Variants in MVB12A observed in about 807,000 individuals in gnomAD.
The protein encoded by MVB12A is multivesicular body subunit 12A.
In MVB12A, 30 loss-of-function variants were observed where a neutral mutation model predicts 34.3. The observed-to-expected ratio is 0.88, with a 90% CI of 0.65 to 1.19. The LOEUF is 1.19. Ranked by LOEUF, MVB12A falls within the 50% of genes most tolerant of loss-of-function variation. The pLI is 0.00. For missense variants in MVB12A, 355 were observed against 369.2 expected (o/e 0.96, Z 0.31); for synonymous variants, 158 against 158.9 (o/e 0.99, Z 0.04).
In MVB12A at chr19:17,420,568, C is replaced by T. The variant is rs1229337195; in HGVS notation, c.220C>T (p.Gln74Ter). Residue 74 changes from glutamine (Q) to a stop codon, truncating the protein, a stop_gained, in exon 3 of 9, where the codon CAG becomes TAG. Coordinates refer to ENST00000317040, the MANE Select transcript of MVB12A (RefSeq NM_138401.4). LOFTEE classifies it high-confidence loss of function. ...GCAGGAGAACGTGGTGGCCGATATC[C>T]AGATCGTGGTGGACAAGAGCCCCCT... ...NPQENVVADI[Q>*]IVVDKSPLPL... 1 of 1,614,020 alleles carries T rather than the reference C, an allele frequency of 6.2e-7. No individual in the cohort carries two copies. Among genetic ancestry groups the T allele is most frequent in the South Asian group, 1.1e-5 (1 of 91,074 alleles).
intron 4 of MVB12A, 37 bp from the exon 5 acceptor site, chr19:17,423,461 C>T (rs186278677): frequency 1.5e-5 from 24 of 1,602,708 alleles, no homozygotes; most frequent in Admixed American, 8.4e-5. Context: ...GGCCCCACAC[C>T]GGGCCAGCAT....
At chr19:17,411,299 G>GA (rs977403926) in intron 2 of MVB12A, among the ~76,000 whole-genome samples, 8 of 151,632 alleles carry the variant, frequency 5.3e-5, no homozygotes, top group East Asian at 1.9e-4. Flanking sequence ...TAGATTTGCA[G>GA]AAAAAAAACA....
chr19:17,420,495 C>T (rs769104088), intron 2 of MVB12A, 43 bp from the exon 3 acceptor site: 2 of 1,584,950 alleles, frequency 1.3e-6, no homozygotes, highest in Non-Finnish European at 8.7e-7. Flanking sequence ...GTGCGCTGTC[C>T]CCGCTGCTAG....
chr19:17,410,497 C>T (rs28397890), intron 2 of MVB12A, among the ~76,000 whole-genome samples: 9,716 of 74,464 alleles, frequency 0.13, 1,350 homozygotes, highest in African/African-American at 0.33. Context: ...GTTTTAGCTT[C>T]ATATATATAT....
upstream of MVB12A, chr19:17,420,016 C>CTGGG: frequency 1.1e-4 from 32 of 291,278 alleles, no homozygotes; most frequent in Middle Eastern, 1.0e-3. Flanking sequence ...GCAATCTCCG[C>CTGGG]CCCCCCCCCC....
intron 2 of MVB12A, among the ~76,000 whole-genome samples, chr19:17,409,979 G>A (rs879809602): frequency 3.1e-4 from 46 of 148,916 alleles, no homozygotes; most frequent in African/African-American, 8.2e-4. Context: ...GGCTGGTCTC[G>A]AACTCCTGAC....
intron 2 of MVB12A, among the ~76,000 whole-genome samples, chr19:17,407,666 T>G (rs576678999): frequency 1.3e-5 from 2 of 152,162 alleles, no homozygotes; most frequent in Non-Finnish European, 2.9e-5. Context: ...GGATGGAACA[T>G]GAAGGCGGAC....
intron 2 of MVB12A, among the ~76,000 whole-genome samples, chr19:17,410,496 T>TTATATATGTATGTATATATATA (rs1568387298): frequency 3.2e-5 from 1 of 31,514 alleles, no homozygotes; most frequent in African/African-American, 1.0e-4. Context: ...GGTTTTAGCT[T>TTATATATGTATGTATATATATA]CATATATATA....
intron 1 of MVB12A, chr19:17,405,833 A>G: frequency 5.2e-6 from 2 of 385,596 alleles, no homozygotes; most frequent in Non-Finnish European, 9.6e-6. Context: ...GGTGCCAGCC[A>G]ACTGTGGCTG....
upstream of MVB12A, chr19:17,417,048 C>G (rs1769904466): frequency 2.5e-6 from 1 of 405,738 alleles, no homozygotes; most frequent in Admixed American, 2.7e-5. Context: ...TCTTCCTCTT[C>G]CACTTTTTTC....
intron 2 of MVB12A, among the ~76,000 whole-genome samples, chr19:17,408,477 G>T (rs542793608): frequency 1.3e-5 from 2 of 148,910 alleles, no homozygotes; most frequent in African/African-American, 4.9e-5. Flanking sequence ...ATGGAGTCTC[G>T]CTCTTGTTGC....
intron 2 of MVB12A, among the ~76,000 whole-genome samples, chr19:17,408,070 G>A (rs1156790203): frequency 3.3e-5 from 5 of 152,304 alleles, no homozygotes; most frequent in South Asian, 4.1e-4. Flanking sequence ...ATTGTAGACC[G>A]AGGATTATTA....
Position 17,410,527 on chromosome 19 carries a change from T to TACAC in MVB12A, c.-5+4232_-5+4233insCACA, listed in dbSNP as rs1375212841. The stretch of plus-strand genomic sequence containing the variant: ...ATATATATATATATATATATATATA[T>TACAC]ATACACACACACATATATATATACA... On this transcript the variant is annotated intron_variant, in intron 2 of 6. Transcript: ENST00000528604. Among the ~76,000 whole-genome samples, 590 of 78,036 alleles carry TACAC rather than the reference T, an allele frequency of 7.6e-3. 45 individuals carry two copies. The highest frequency in any genetic ancestry group is 0.036 in the African/African-American group (551 of 15,510). The allele number at this position is 78,036 out of a possible 152,430, so 51.2% of individuals were successfully genotyped here. A position where few individuals can be genotyped will look rare whatever the true frequency, so the allele number is the denominator to read the frequency against.
chr19:17,422,177 A>T, intron 3 of MVB12A, 155 bp from the exon 4 acceptor site: 2 of 592,852 alleles, frequency 3.4e-6, no homozygotes, highest in Non-Finnish European at 5.9e-6. Flanking sequence ...CATCTATACC[A>T]TTCATGATTT....
chr19:17,409,184 G>A (rs1045824507), intron 2 of MVB12A, among the ~76,000 whole-genome samples: 1 of 149,020 alleles, frequency 6.7e-6, no homozygotes, highest in Non-Finnish European at 1.5e-5. Flanking sequence ...AGGCTGGAGT[G>A]CAGTGGTGTA....
Position 17,420,072 on chromosome 19 carries a change from C to T in MVB12A, c.-64C>T. On this transcript the variant is annotated 5_prime_UTR_variant, in exon 1 of 9. Transcript: ENST00000317040. ...GTAGTTCGGTCGCGAGCGCTGCCGT[C>T]GGGAGGCGCTCCGAGGTTCGAGGCT... 9.4e-7 allele frequency: 1 copy of T among 1,061,246 alleles called. No individual in the cohort carries two copies. The highest frequency in any genetic ancestry group is 1.2e-6 in the Non-Finnish European group (1 of 843,628). 65.7% of individuals were successfully genotyped at this position (1,061,246 alleles called of 1,614,324 possible). A position where few individuals can be genotyped will look rare whatever the true frequency, so the allele number is the denominator to read the frequency against.
At chr19:17,424,823 A>G (rs2074860370) in intron 8 of MVB12A, 108 bp from the exon 9 acceptor site, 1 of 1,251,174 alleles carries the variant, frequency 8.0e-7, no homozygotes, top group Non-Finnish European at 1.1e-6. Flanking sequence ...TCCAGGGCAG[A>G]AGACCACTCA....
intron 6 of MVB12A, 47 bp downstream of exon 6, chr19:17,423,846 C>G (rs1198960698): frequency 6.3e-7 from 1 of 1,590,298 alleles, no homozygotes; most frequent in African/African-American, 1.3e-5. Flanking sequence ...GAGGGTGTGA[C>G]TGTCTTGAGA....
At chr19:17,407,673 G>A (rs924751541) in intron 2 of MVB12A, among the ~76,000 whole-genome samples, 6 of 152,188 alleles carry the variant, frequency 3.9e-5, no homozygotes, top group Non-Finnish European at 7.4e-5. Context: ...ACATGAAGGC[G>A]GACTAGGAGC....
Sources: gnomAD v4.1 joint callset for allele counts (sites outside exome capture counted in the v4.1 genomes callset) on GRCh38, gnomAD v4.1.1 for gene constraint, MANE v1.5 for transcripts, NCBI Gene and HGNC (gene_info 2026-07-23, HGNC 2026-07-21) for gene names.